ATP6V1D: variants seen among roughly 807,000 people sequenced by gnomAD.
ATP6V1D encodes ATPase H+ transporting V1 subunit D.
ATP6V1D carries 20 observed loss-of-function variants against 39.4 expected under a neutral mutation model. The observed-to-expected ratio is 0.51, with a 90% confidence interval of 0.36 to 0.74. The LOEUF is 0.74. ATP6V1D is among the 30% of genes least tolerant of loss of function. ATP6V1D has a pLI of 0.00. For missense variants in ATP6V1D, 228 were observed against 291.6 expected (o/e 0.78, Z 1.59); for synonymous variants, 100 against 100.5 (o/e 0.99, Z 0.03).
chr14:67,339,945 C>T (rs1487316111), intron 8 of ATP6V1D: 3 of 137,172 alleles, frequency 2.2e-5, no homozygotes, highest in Non-Finnish European at 3.0e-5. Context: ...ACTAAAAGTA[C>T]AAAAAAATTA....
At chr14:67,348,067 G>A (rs1168985076) in intron 4 of ATP6V1D, among the ~76,000 whole-genome samples, 1 of 150,738 alleles carries the variant, frequency 6.6e-6, no homozygotes, top group Non-Finnish European at 1.5e-5. Flanking sequence ...CACATGCCAT[G>A]CCCAGCTAAT....
intron 4 of ATP6V1D, among the ~76,000 whole-genome samples, 172 bp from the exon 5 acceptor site, chr14:67,347,625 T>A (rs2085628978): frequency 6.6e-6 from 1 of 151,702 alleles, no homozygotes; most frequent in Non-Finnish European, 1.5e-5. Context: ...GTCAGCCTCC[T>A]GAATAGGTGG....
chr14:67,340,242 C>A, intron 8 of ATP6V1D, 198 bp downstream of exon 8: 1 of 499,680 alleles, frequency 2.0e-6, no homozygotes, highest in East Asian at 3.1e-5. Flanking sequence ...TTTGGAAATG[C>A]CATGTTATAG....
chr14:67,346,680 G>A (rs939461452), intron 5 of ATP6V1D, among the ~76,000 whole-genome samples: 2 of 152,172 alleles, frequency 1.3e-5, no homozygotes, highest in African/African-American at 4.8e-5. Context: ...TGTCAAACTA[G>A]GAATGGAATG....
chr14:67,347,040 G>A (rs183883156), intron 5 of ATP6V1D, among the ~76,000 whole-genome samples: 40 of 152,152 alleles, frequency 2.6e-4, no homozygotes, highest in African/African-American at 9.7e-4. Context: ...AGGCTGGAGT[G>A]CAGTGGCGTG....
At position 67,352,910 on chromosome 14, in the gene ATP6V1D, A is replaced by C. The variant is rs1451647310; in HGVS notation, c.159+13T>G. 2 of 1,557,382 alleles carry C rather than the reference A, an allele frequency of 1.3e-6. No individual in the cohort carries two copies. On this transcript the variant is annotated intron_variant, in intron 2 of 8. Coordinates refer to ENST00000216442, the MANE Select transcript of ATP6V1D (RefSeq NM_015994.4). ...TCTAAAATAAATACTATTCTAAGAAAAGTTCATTCTACCTCTATTATCTTC... is the reference window on the plus strand; with the variant it reads ...TCTAAAATAAATACTATTCTAAGAACAGTTCATTCTACCTCTATTATCTTC...
chr14:67,359,459 C>T lies in ATP6V1D; in HGVS notation c.41+199G>A, dbSNP rs144651873. 5.6e-3 allele frequency among the ~76,000 whole-genome samples: 848 copies of T among 152,056 alleles called. 36 individuals are homozygous for T. Among genetic ancestry groups the T allele is most frequent in the Admixed American group, 0.043 (660 of 15,274 alleles). On this transcript the variant is annotated intron_variant, in intron 1 of 8. Transcript: ENST00000216442. ...CGCCTTTTCCTACCGGCTGGGATCG[C>T]TTCGTCCAGCCTGATTCACTCAGGA...
intron 3 of ATP6V1D, 63 bp downstream of exon 3, chr14:67,350,548 A>C: frequency 7.1e-7 from 1 of 1,412,742 alleles, no homozygotes. Context: ...ATGCTTTTTA[A>C]ATGAAATTAT....
At chr14:67,353,595 C>G (rs1403920362) in intron 1 of ATP6V1D, 1 of 152,344 alleles carries the variant, frequency 6.6e-6, no homozygotes, top group Non-Finnish European at 1.5e-5. Flanking sequence ...TCAAGCAATT[C>G]TCCCACCCCA....
chr14:67,357,682 G>A (rs2085694672), intron 1 of ATP6V1D, among the ~76,000 whole-genome samples: 1 of 152,218 alleles, frequency 6.6e-6, no homozygotes, highest in African/African-American at 2.4e-5. Flanking sequence ...TGATAGTAGG[G>A]GAAAGGGCTG....
Position 67,338,483 on chromosome 14 carries a change from A to T in ATP6V1D, c.*138T>A, listed in dbSNP as rs549355604. ...TATGATTCTGCAAAAGTAATCCCAT[A>T]AATAGACATCTAGGTAAATTTTACA... On this transcript the variant is annotated 3_prime_UTR_variant, in exon 9 of 9. Coordinates refer to ENST00000216442, the MANE Select transcript of ATP6V1D (RefSeq NM_015994.4). 3.0e-5 allele frequency: 28 copies of T among 933,954 alleles called. No homozygotes were observed. The highest frequency in any genetic ancestry group is 4.5e-5 in the Non-Finnish European group (28 of 628,700). The allele number at this position is 933,954 out of a possible 1,614,324, so 57.9% of individuals were successfully genotyped here.
intron 8 of ATP6V1D, chr14:67,340,204 T>C: frequency 2.2e-6 from 1 of 452,380 alleles, no homozygotes; most frequent in Non-Finnish European, 4.0e-6. Flanking sequence ...AAATCAAACC[T>C]AAACAGTTTC....
intron 6 of ATP6V1D, 134 bp downstream of exon 6, chr14:67,345,634 T>C (rs2085614648): frequency 1.8e-6 from 1 of 570,386 alleles, no homozygotes; most frequent in African/African-American, 1.9e-5. Flanking sequence ...CAAAATATTA[T>C]GTTTGCTTTA....
intron 2 of ATP6V1D, 21 bp downstream of exon 2, chr14:67,352,902 T>G (rs202197245): frequency 6.5e-7 from 1 of 1,532,874 alleles, no homozygotes; most frequent in Non-Finnish European, 9.0e-7. Context: ...TAAATACTAT[T>G]CTAAGAAAAG....
intron 2 of ATP6V1D, among the ~76,000 whole-genome samples, chr14:67,351,538 T>C (rs1011703073): frequency 1.3e-5 from 2 of 152,204 alleles, no homozygotes; most frequent in Non-Finnish European, 2.9e-5. Context: ...AGACAAGGTC[T>C]TACTTTGTTG....
intron 3 of ATP6V1D, 21 bp downstream of exon 3, chr14:67,350,590 C>T (rs2085649347): frequency 4.4e-6 from 7 of 1,596,650 alleles, no homozygotes; most frequent in Non-Finnish European, 6.0e-6. Flanking sequence ...TGCTTCAAAA[C>T]ACCCCGTTTA....
rs77784971 is a variant in ATP6V1D at position 67,346,035 on chromosome 14, T to C, written c.353-164A>G. ...TGCCTATCTCACTCCCCAAACACTA[T>C]AGGAGCATGCTACTAAATACAGTTT... On this transcript the variant is annotated intron_variant, in intron 5 of 8. Coordinates refer to ENST00000216442, the MANE Select transcript of ATP6V1D (RefSeq NM_015994.4). Among the ~76,000 whole-genome samples, 620 of 152,320 alleles carry C rather than the reference T, an allele frequency of 4.1e-3. 17 individuals carry two copies. The East Asian group carries it at 0.059, about 14-fold the overall frequency.
At chr14:67,350,146 G>A (rs759650598) in intron 3 of ATP6V1D, among the ~76,000 whole-genome samples, 6 of 152,158 alleles carry the variant, frequency 3.9e-5, no homozygotes, top group Admixed American at 3.3e-4. Context: ...TGTCACCAAA[G>A]CCATGAAGTT....
intron 8 of ATP6V1D, 125 bp downstream of exon 8, chr14:67,340,315 A>T (rs1012770552): frequency 3.7e-5 from 28 of 764,806 alleles, no homozygotes; most frequent in Non-Finnish European, 5.5e-5. Context: ...CTTGCTGCTT[A>T]TTTATCAGAA....
Sources: gnomAD v4.1 joint callset for allele counts (sites outside exome capture counted in the v4.1 genomes callset) on GRCh38, gnomAD v4.1.1 for gene constraint, MANE v1.5 for transcripts, NCBI Gene and HGNC (gene_info 2026-07-23, HGNC 2026-07-21) for gene names.